STX8: variants seen among roughly 807,000 people sequenced by gnomAD.
STX8 encodes syntaxin-8.
A neutral mutation model predicts 37.5 loss-of-function variants in STX8; 23 were observed. The observed-to-expected ratio is 0.61, with a 90% CI of 0.44 to 0.87. The LOEUF (loss-of-function observed/expected upper bound fraction) is 0.87. Ranked by LOEUF, STX8 falls within the 40% of genes least tolerant of loss-of-function variation. The pLI is 0.00. For missense variants in STX8, 313 were observed against 284.7 expected, an observed-to-expected ratio of 1.10 and a Z score of -0.71; for synonymous variants, 115 against 99.1, an observed-to-expected ratio of 1.16 and a Z score of -0.95.
intron 6 of STX8, among the ~76,000 whole-genome samples, chr17:9,455,211 A>G (rs747207350): frequency 8.1e-5 from 12 of 148,474 alleles, no homozygotes; most frequent in Non-Finnish European, 1.2e-4. Context: ...CTTAAAAAAC[A>G]AAACAAGGCT....
At chr17:9,439,681 A>C (rs1204914371) in intron 6 of STX8, among the ~76,000 whole-genome samples, 1 of 151,898 alleles carries the variant, frequency 6.6e-6, no homozygotes, top group African/African-American at 2.4e-5. Flanking sequence ...TTTTTAGTAG[A>C]GATGGGGTTT....
rs539220629 is a variant in STX8 at position 9,455,885 on chromosome 17, C to T, written c.541+35944G>A. On this transcript the variant is annotated intron_variant, in intron 6 of 7. Transcript: ENST00000306357. ...AACTTGCTACTATAAGGGGGAGGTACGCAACCAATAAGTCTAATTAGGATT... is the reference window on the plus strand; with the variant it reads ...AACTTGCTACTATAAGGGGGAGGTATGCAACCAATAAGTCTAATTAGGATT... Among the ~76,000 whole-genome samples the T allele has an allele frequency of 4.6e-5, 7 of 152,220 alleles. No individual in the cohort carries two copies. In the South Asian group the frequency reaches 1.0e-3, roughly 23 times the overall value.
chr17:9,278,763 G>C (rs780534271), intron 7 of STX8, among the ~76,000 whole-genome samples: 1 of 152,054 alleles, frequency 6.6e-6, no homozygotes, highest in African/African-American at 2.4e-5. Context: ...GAAAGATCAC[G>C]GGGAGGCGGA....
Position 9,250,492 on chromosome 17 carries a change from T to C in STX8, c.*86A>G, listed in dbSNP as rs1055135612. ...GAGGTCAGAGCTTTGGGGGAATTTA[T>C]TGAGAGCAGGTTTTGCGTACCAAAA... On this transcript the variant is annotated 3_prime_UTR_variant, in exon 8 of 8. Transcript: ENST00000306357. 2.4e-6 allele frequency: 3 copies of C among 1,243,728 alleles called. No homozygotes were observed. The highest frequency in any genetic ancestry group is 2.0e-5 in the Admixed American group (1 of 50,262). 77.0% of individuals were successfully genotyped at this position (1,243,728 alleles called of 1,614,324 possible).
chr17:9,523,187 C>T (rs1018263272), intron 4 of STX8, among the ~76,000 whole-genome samples: 1 of 151,774 alleles, frequency 6.6e-6, no homozygotes, highest in Admixed American at 6.6e-5. Context: ...TGGCATGTGC[C>T]TGTAGTCCCA....
intron 6 of STX8, among the ~76,000 whole-genome samples, chr17:9,405,723 A>G (rs999800278): frequency 1.3e-5 from 2 of 152,228 alleles, no homozygotes; most frequent in African/African-American, 4.8e-5. Flanking sequence ...TCTGTCAGGC[A>G]GATATACTTT....
intron 7 of STX8, among the ~76,000 whole-genome samples, chr17:9,289,774 C>T (rs1431680012): frequency 4.1e-5 from 6 of 146,546 alleles, no homozygotes; most frequent in South Asian, 2.3e-4. Context: ...AGCAAGACTC[C>T]GTCTCAAAAA....
chr17:9,302,181 T>C (rs1476150001), intron 7 of STX8, among the ~76,000 whole-genome samples: 1 of 152,182 alleles, frequency 6.6e-6, no homozygotes, highest in Non-Finnish European at 1.5e-5. Context: ...TTCTAGAAGA[T>C]CATTGAACCG....
intron 7 of STX8, among the ~76,000 whole-genome samples, chr17:9,286,824 C>T (rs1277042150): frequency 3.9e-5 from 6 of 151,912 alleles, no homozygotes; most frequent in Admixed American, 3.3e-4. Flanking sequence ...AAAAGGGTGG[C>T]GTGGTAGTAG....
intron 7 of STX8, among the ~76,000 whole-genome samples, chr17:9,266,674 C>T (rs369728456): frequency 8.5e-5 from 13 of 152,254 alleles, no homozygotes; most frequent in African/African-American, 3.1e-4. Flanking sequence ...ACTCTGTCAT[C>T]CTGGAGGCTA....
chr17:9,385,428 T>C (rs935833416), intron 6 of STX8, among the ~76,000 whole-genome samples: 11 of 152,178 alleles, frequency 7.2e-5, no homozygotes, highest in Non-Finnish European at 1.6e-4. Context: ...TGACATAGTA[T>C]TTGTATCTAG....
intron 6 of STX8, among the ~76,000 whole-genome samples, chr17:9,470,422 C>T (rs1905800584): frequency 6.6e-6 from 1 of 152,202 alleles, no homozygotes; most frequent in Admixed American, 6.5e-5. Context: ...CTTTTCACCA[C>T]CCCATATGCT....
At chr17:9,389,130 T>A (rs1912117577) in intron 6 of STX8, among the ~76,000 whole-genome samples, 2 of 152,232 alleles carry the variant, frequency 1.3e-5, no homozygotes. Flanking sequence ...CCAAATTACT[T>A]TTTAATAGAC....
intron 6 of STX8, among the ~76,000 whole-genome samples, chr17:9,446,646 T>C (rs1904862139): frequency 6.6e-6 from 1 of 152,184 alleles, no homozygotes; most frequent in African/African-American, 2.4e-5. Flanking sequence ...AACAGTTTTT[T>C]TGGCAGTAGT....
intron 4 of STX8, among the ~76,000 whole-genome samples, chr17:9,524,767 TTTTG>T (rs1430855077): frequency 3.3e-5 from 4 of 121,436 alleles, no homozygotes; most frequent in African/African-American, 1.4e-4. Flanking sequence ...TTTTGATTTG[TTTTG>T]TTTTGTTTTG....
intron 7 of STX8, among the ~76,000 whole-genome samples, chr17:9,275,892 A>T (rs9900372): frequency 0.38 from 58,298 of 151,900 alleles, 12,316 homozygotes; most frequent in Admixed American, 0.51. Context: ...AAGAAAAAAA[A>T]AAAGGGCGGG....
chr17:9,274,447 C>T (rs150010656), intron 7 of STX8, among the ~76,000 whole-genome samples: 5,011 of 151,858 alleles, frequency 0.033, 255 homozygotes, highest in African/African-American at 0.11. Flanking sequence ...GAGGCTGAGG[C>T]GGGCGGATCA....
At chr17:9,451,836 CGG>C (rs1905051346) in intron 6 of STX8, among the ~76,000 whole-genome samples, 1 of 151,782 alleles carries the variant, frequency 6.6e-6, no homozygotes, top group Non-Finnish European at 1.5e-5. Flanking sequence ...TCTTAGAAAA[CGG>C]AACAAAAGTT....
chr17:9,461,177 A>G (rs1905372606), intron 6 of STX8: 1 of 152,080 alleles, frequency 6.6e-6, no homozygotes, highest in South Asian at 2.1e-4. Flanking sequence ...CACCATGTAC[A>G]CAGCTCCTGA....
Sources: gnomAD v4.1 joint callset for allele counts (sites outside exome capture counted in the v4.1 genomes callset) on GRCh38, gnomAD v4.1.1 for gene constraint, MANE v1.5 for transcripts, NCBI Gene and HGNC (gene_info 2026-07-23, HGNC 2026-07-21) for gene names.